The following MLLT6 variants were observed in gnomAD, a reference collection of about 807,000 sequenced individuals.
The protein encoded by MLLT6 is MLLT6, PHD finger containing, also known as protein AF-17.
MLLT6 carries 22 observed loss-of-function variants against 103.0 expected under a neutral mutation model. The ratio of observed to expected loss-of-function variants is 0.21; its 90% CI spans 0.15 to 0.31. The LOEUF (loss-of-function observed/expected upper bound fraction) is 0.31. Among genes scored for constraint, MLLT6 ranks in the 10% least tolerant of loss-of-function variants. The pLI, the probability that MLLT6 is intolerant of heterozygous loss-of-function variation, is 1.00. For synonymous variants in MLLT6, 606 were observed against 623.5 expected (o/e 0.97, Z 0.42); for missense variants, 1,199 against 1,441.7 (o/e 0.83, Z 2.73).
In MLLT6 at chr17:38,717,463, C is replaced by T. The variant is rs1413903387; in HGVS notation, c.1683C>T (p.Ser561=). The T allele has an allele frequency of 3.7e-6, 6 of 1,610,774 alleles. No individual in the cohort carries two copies. The highest frequency in any genetic ancestry group is 5.1e-6 in the Non-Finnish European group (6 of 1,178,324). Reference sequence around the variant, plus strand: ...ACACCAGTAATAAGGACCCCATCTCCCACAGTGGCGGGATGCTGCGGGCTG... The same window carrying T: ...ACACCAGTAATAAGGACCCCATCTCTCACAGTGGCGGGATGCTGCGGGCTG... ...GIYTSNKDPI[S]HSGGMLRAVC... is the part of the protein sequence containing the mutation. The change falls in exon 11 of 20, where the codon TCC becomes TCT. Residue 561 remains serine (S), a synonymous_variant. Transcript: ENST00000621332.
intron 9 of MLLT6, 89 bp downstream of exon 9, chr17:38,715,917 G>A (rs1353294173): frequency 8.6e-7 from 1 of 1,166,936 alleles, no homozygotes; most frequent in Admixed American, 2.3e-5. Flanking sequence ...TATTGGTTTT[G>A]CATCTCATTT....
At chr17:38,707,902 A>G (rs1192429504) in intron 4 of MLLT6, 30 bp downstream of exon 4, 2 of 1,362,730 alleles carry the variant, frequency 1.5e-6, no homozygotes, top group African/African-American at 1.4e-5. Flanking sequence ...GTCCCCTACC[A>G]GTTCCCTCCC....
Position 38,716,728 on chromosome 17 carries a change from G to A in MLLT6, c.1398G>A (p.Lys466=), listed in dbSNP as rs1905363489. The A allele has an allele frequency of 1.9e-6, 3 of 1,609,938 alleles. No homozygotes were observed. Among genetic ancestry groups the A allele is most frequent in the Middle Eastern group, 1.7e-4 (1 of 6,048 alleles). ...DETPETGLKE[K]KHKASKRSRH... is the part of the protein sequence containing the mutation. Reference sequence around the variant, plus strand: ...CCCCTGAGACAGGCCTGAAGGAGAAGAAGCACAAAGCCAGCAAGAGGAGCC... The same window carrying A: ...CCCCTGAGACAGGCCTGAAGGAGAAAAAGCACAAAGCCAGCAAGAGGAGCC... The change falls in exon 10 of 20, where the codon AAG becomes AAA. Residue 466 remains lysine (K), a synonymous_variant. Coordinates refer to ENST00000621332, the MANE Select transcript of MLLT6 (RefSeq NM_005937.4). The surrounding 1 kb of genome is among the most constrained non-coding windows in gnomAD (Gnocchi z 5.6).
intron 14 of MLLT6, 62 bp from the exon 15 acceptor site, chr17:38,720,310 C>T (rs972766983): frequency 1.5e-6 from 1 of 668,642 alleles, no homozygotes; most frequent in Non-Finnish European, 2.6e-6. Flanking sequence ...GCCCCGCCCC[C>T]GGTCCCCTGG....
At chr17:38,708,438 C>A (rs1160007310) in intron 4 of MLLT6, among the ~76,000 whole-genome samples, 1 of 152,050 alleles carries the variant, frequency 6.6e-6, no homozygotes, top group African/African-American at 2.4e-5. Context: ...GGTAAGGGCC[C>A]CCAGGTTCCA....
rs544197899 is a variant in MLLT6 at position 38,720,693 on chromosome 17, C to T, written c.2388C>T (p.Ser796=). The T allele has an allele frequency of 8.4e-5, 135 of 1,613,886 alleles. 1 individual carries two copies. In the South Asian group the frequency reaches 1.4e-3, roughly 17 times the overall value. ...GCGACTCCTTGAGCACCAGCAAGAG[C>T]CCTCCGGGAAAGAGCAGCCTCGGCC... ...GSSDSLSTSK[S]PPGKSSLGLD... is the part of the protein sequence containing the mutation. The change falls in exon 16 of 20, where the codon AGC becomes AGT. Residue 796 remains serine, a synonymous_variant. Coordinates refer to ENST00000621332, the MANE Select transcript of MLLT6 (RefSeq NM_005937.4).
In MLLT6 at chr17:38,709,571, A is replaced by C; in HGVS notation, c.548A>C (p.Lys183Thr). 1 of 1,612,856 alleles carries C rather than the reference A, an allele frequency of 6.2e-7. No individual in the cohort carries two copies. The highest frequency in any genetic ancestry group is 8.5e-7 in the Non-Finnish European group (1 of 1,178,872). Residue 183 changes from lysine to threonine, a missense_variant, in exon 6 of 20, where the codon AAG (lysine) becomes ACG (threonine). Physicochemically the swap from Lys to Thr is moderately conservative, Grantham distance 78. Around this residue, in one of 7 missense-constraint regions of MLLT6, gnomAD observed 59 missense variants for 135.1 expected, o/e 0.44. Transcript: ENST00000621332. This position sits in a 1 kb window ranked among gnomAD's most constrained non-coding sequence, Gnocchi z 4.3. ...YCGYCKYHFSKMKTSRHSSGG... is the reference protein window; with the variant it reads ...YCGYCKYHFSTMKTSRHSSGG... Reference sequence around the variant, plus strand: ...GGCTACTGCAAATACCACTTCAGCAAGATGGTGAGTCCTGGCGACCAGCGC... The same window carrying C: ...GGCTACTGCAAATACCACTTCAGCACGATGGTGAGTCCTGGCGACCAGCGC...
chr17:38,713,278 C>T, intron 8 of MLLT6: 1 of 420,716 alleles, frequency 2.4e-6, no homozygotes, highest in Non-Finnish European at 4.2e-6. Context: ...CCGAAACTCC[C>T]ACTCATCCCA....
chr17:38,727,744 A>C lies in MLLT6; in HGVS notation c.*2146A>C. 1 of 212,816 alleles carries C rather than the reference A, an allele frequency of 4.7e-6. No individual in the cohort carries two copies. Among genetic ancestry groups the C allele is most frequent in the Non-Finnish European group, 9.5e-6 (1 of 105,268 alleles). The allele number at this position is 212,816 out of a possible 1,614,324, so 13.2% of individuals were successfully genotyped here. A position where few individuals can be genotyped will look rare whatever the true frequency, so the allele number is the denominator to read the frequency against. The stretch of plus-strand genomic sequence containing the variant: ...CAGGAGGCTGAGGCTGCAGTGAGCC[A>C]AGATTGTGCCACTGCACTCCAGCCT... On this transcript the variant is annotated 3_prime_UTR_variant, in exon 20 of 20. Coordinates refer to ENST00000621332, the MANE Select transcript of MLLT6 (RefSeq NM_005937.4).
intron 12 of MLLT6, chr17:38,718,161 G>T (rs1230398725): frequency 1.5e-5 from 7 of 470,046 alleles, no homozygotes; most frequent in African/African-American, 1.4e-4. Context: ...GATCACCTGA[G>T]ATCAGGAGTT....
rs751878434 is a variant in MLLT6 at position 38,725,531 on chromosome 17, C to T, written c.3241-26C>T. On this transcript the variant is annotated intron_variant, in intron 19 of 19. Coordinates refer to ENST00000621332, the MANE Select transcript of MLLT6 (RefSeq NM_005937.4). The stretch of plus-strand genomic sequence containing the variant: ...GTTAGGACCTGACACTTTCCACACC[C>T]CCGGCCTCCCTCCCTCTCTTTCCAG... The T allele has an allele frequency of 4.4e-6, 7 of 1,606,104 alleles. No individual in the cohort carries two copies. The Admixed American group carries it at 1.2e-4, about 27-fold the overall frequency.
chr17:38,705,786 G>C lies in MLLT6; in HGVS notation c.109+45G>C, dbSNP rs780930129. On this transcript the variant is annotated intron_variant, in intron 1 of 19. Coordinates refer to ENST00000621332, the MANE Select transcript of MLLT6 (RefSeq NM_005937.4). ...GGGGCGGCGGGACCCCGGGGGCGGC[G>C]TGCGCGGGGCGCCCCCGGCCGCGCC... The C allele has an allele frequency of 3.1e-6, 3 of 975,568 alleles. No individual in the cohort carries two copies. In the African/African-American group the frequency reaches 5.2e-5, roughly 17 times the overall value. The allele number at this position is 975,568 out of a possible 1,614,324, so 60.4% of individuals were successfully genotyped here. A position where few individuals can be genotyped will look rare whatever the true frequency, so the allele number is the denominator to read the frequency against.
chr17:38,717,653 T>C (rs770076613), intron 11 of MLLT6, 40 bp downstream of exon 11: 7 of 1,598,186 alleles, frequency 4.4e-6, no homozygotes, highest in Non-Finnish European at 4.3e-6. Flanking sequence ...CCTGGGCAGG[T>C]TGGGGACAGA....
In MLLT6 at chr17:38,724,257, CAAAAA is replaced by C. The variant is rs1430641044; in HGVS notation, c.2884-362_2884-358del. ...GGTGACAGAGCAAGACTCCGTCTCA[CAAAAA>C]GAAAAGAAAAGAAAAGAAAACTATT... On this transcript the variant is annotated intron_variant, in intron 18 of 19. Transcript: ENST00000621332. The surrounding 1 kb of genome is among the most constrained non-coding windows in gnomAD (Gnocchi z 5.4). 2.9e-5 allele frequency: 6 copies of C among 203,590 alleles called. No individual in the cohort carries two copies. In the South Asian group the frequency reaches 8.4e-4, roughly 29 times the overall value. 12.6% of individuals were successfully genotyped at this position (203,590 alleles called of 1,614,324 possible).
At position 38,707,388 on chromosome 17, in the gene MLLT6, C is replaced by T; in HGVS notation, c.190-98C>T. ...TTCCACTGTAGCCCCATCCATCCACCCTAGAGCTTAGCATTTCAGCCTGGG... is the reference window on the plus strand; with the variant it reads ...TTCCACTGTAGCCCCATCCATCCACTCTAGAGCTTAGCATTTCAGCCTGGG... On this transcript the variant is annotated intron_variant, in intron 2 of 19. Coordinates refer to ENST00000621332, the MANE Select transcript of MLLT6 (RefSeq NM_005937.4). 5.1e-6 allele frequency: 6 copies of T among 1,184,290 alleles called. No homozygotes were observed. The African/African-American group carries it at 7.5e-5, about 15-fold the overall frequency. 73.4% of individuals were successfully genotyped at this position (1,184,290 alleles called of 1,614,324 possible).
Position 38,716,339 on chromosome 17 carries a change from G to C in MLLT6, c.1037-28G>C, listed in dbSNP as rs1335248277. On this transcript the variant is annotated intron_variant, in intron 9 of 19. Coordinates refer to ENST00000621332, the MANE Select transcript of MLLT6 (RefSeq NM_005937.4). This position sits in a 1 kb window ranked among gnomAD's most constrained non-coding sequence, Gnocchi z 5.6. ...AGGGAGTGCGGGGATCTGGGGTCCA[G>C]CTGTAACTGTTTCCCCTCTGTGCAC... The C allele has an allele frequency of 1.9e-6, 3 of 1,594,076 alleles. No homozygotes were observed. In the African/African-American group the frequency reaches 4.1e-5, roughly 22 times the overall value.
intron 14 of MLLT6, 200 bp downstream of exon 14, chr17:38,720,095 TCGTGGCCTC>T: frequency 1.2e-6 from 1 of 810,348 alleles, no homozygotes; most frequent in South Asian, 1.8e-5. Flanking sequence ...CCTTTGGCCT[TCGTGGCCTC>T]CGGGCCCCGA....
chr17:38,722,050 C>T lies in MLLT6; in HGVS notation c.2615C>T (p.Ala872Val), dbSNP rs1905780441. ...PQNGLGRAPG[A>V]AGLGAMPMAE... ...AACGGGTTGGGCCGGGCACCCGGGG[C>T]AGCGGGGCTGGGGGCCATGCCCATG... Residue 872 changes from alanine (A) to valine (V), a missense_variant, in exon 17 of 20, where the codon GCA becomes GTA. Transcript: ENST00000621332. The T allele has an allele frequency of 7.1e-7, 1 of 1,407,432 alleles. No homozygotes were observed. The highest frequency in any genetic ancestry group is 9.2e-7 in the Non-Finnish European group (1 of 1,084,746). 87.2% of individuals were successfully genotyped at this position (1,407,432 alleles called of 1,614,324 possible). A position where few individuals can be genotyped will look rare whatever the true frequency, so the allele number is the denominator to read the frequency against.
At chr17:38,712,670 T>C (rs1905184643) in intron 7 of MLLT6, 21 bp from the exon 8 acceptor site, 1 of 1,551,826 alleles carries the variant, frequency 6.4e-7, no homozygotes, top group South Asian at 1.1e-5. Flanking sequence ...GCACAATATC[T>C]AGTCACCTCT....
Sources: gnomAD v4.1 joint callset for allele counts (sites outside exome capture counted in the v4.1 genomes callset) on GRCh38, gnomAD v4.1.1 for gene constraint, gnomAD v4.1.1 regional missense constraint, Gnocchi (gnomAD v3.1) non-coding constraint, MANE v1.5 for transcripts, NCBI Gene and HGNC (gene_info 2026-07-23, HGNC 2026-07-21) for gene names.